ELAVL2: variants seen among roughly 807,000 people sequenced by gnomAD.
The protein encoded by ELAVL2 is ELAV like RNA binding protein 2.
A neutral mutation model predicts 34.6 loss-of-function variants in ELAVL2; 4 were observed. That is an observed-to-expected ratio of 0.12 (90% confidence interval 0.06 to 0.26). The LOEUF is 0.26. ELAVL2 is among the 10% of genes least tolerant of loss of function. The pLI, the probability that ELAVL2 is intolerant of heterozygous loss-of-function variation, is 1.00. For missense variants in ELAVL2, 432 were observed against 442.8 expected (o/e 0.98, Z 0.22); for synonymous variants, 193 against 154.8 (o/e 1.25, Z -1.83).
chr9:23,717,939 C>T (rs966515921), intron 3 of ELAVL2, among the ~76,000 whole-genome samples: 3 of 152,140 alleles, frequency 2.0e-5, no homozygotes, highest in Non-Finnish European at 4.4e-5. Flanking sequence ...AACAAAAAAA[C>T]AACTTGCAAT....
chr9:23,729,156 T>A (rs1370584037), intron 3 of ELAVL2, among the ~76,000 whole-genome samples: 3 of 152,136 alleles, frequency 2.0e-5, no homozygotes, highest in African/African-American at 4.8e-5. Context: ...TTCTTCTGGA[T>A]CTTCGTGCAG....
rs2033200777 is a variant in ELAVL2, at chr9:23,691,617, C to A, written c.*940G>T. On this transcript the variant is annotated 3_prime_UTR_variant, in exon 7 of 7. Transcript: ENST00000397312. ...TTCAAAATCACAAATCAATGTGAGC[C>A]ACCTATCACATAATAACCAGGATGA... The A allele has an allele frequency of 6.6e-6, 1 of 152,328 alleles. No homozygotes were observed. Among genetic ancestry groups the A allele is most frequent in the African/African-American group, 2.4e-5 (1 of 41,360 alleles). 9.4% of individuals were successfully genotyped at this position (152,328 alleles called of 1,614,324 possible). A position where few individuals can be genotyped will look rare whatever the true frequency, so the allele number is the denominator to read the frequency against.
intron 1 of ELAVL2, among the ~76,000 whole-genome samples, chr9:23,777,739 A>G (rs2058448298): frequency 6.6e-6 from 1 of 152,196 alleles, no homozygotes; most frequent in African/African-American, 2.4e-5. Flanking sequence ...CAATTAAGGA[A>G]GAACAACTGC....
intron 2 of ELAVL2, among the ~76,000 whole-genome samples, chr9:23,751,205 T>C (rs1426095767): frequency 6.6e-6 from 1 of 152,120 alleles, no homozygotes; most frequent in Non-Finnish European, 1.5e-5. Context: ...CAAAGCAGTA[T>C]GTACAAAACA....
At chr9:23,807,222 A>C (rs949094229) in intron 1 of ELAVL2, among the ~76,000 whole-genome samples, 2 of 152,170 alleles carry the variant, frequency 1.3e-5, no homozygotes, top group African/African-American at 4.8e-5. Context: ...GGTCAGAAAG[A>C]CACTATTTTA....
chr9:23,760,356 A>C (rs1056614563), intron 2 of ELAVL2, among the ~76,000 whole-genome samples: 1 of 151,998 alleles, frequency 6.6e-6, no homozygotes, highest in Non-Finnish European at 1.5e-5. Flanking sequence ...TTTAATAGTA[A>C]GGGGAGCTCT....
intron 1 of ELAVL2, among the ~76,000 whole-genome samples, chr9:23,785,632 C>T (rs2059589291): frequency 6.6e-6 from 1 of 152,164 alleles, no homozygotes; most frequent in Admixed American, 6.5e-5. Context: ...CGTCTGTTAA[C>T]CCAAAACTCC....
chr9:23,795,698 A>T (rs2060836274), intron 1 of ELAVL2, among the ~76,000 whole-genome samples: 1 of 152,250 alleles, frequency 6.6e-6, no homozygotes, highest in South Asian at 2.1e-4. Flanking sequence ...AGTTGCCACT[A>T]TTAAAATGGA....
At chr9:23,830,978 C>A (rs1387320337), upstream of ELAVL2, among the ~76,000 whole-genome samples, 2 of 152,150 alleles carry the variant, frequency 1.3e-5, no homozygotes, top group Non-Finnish European at 2.9e-5. Context: ...GGGATACTAA[C>A]AGCCTTCTTT....
intron 2 of ELAVL2, among the ~76,000 whole-genome samples, chr9:23,734,188 T>C (rs1587873399): frequency 6.6e-6 from 1 of 152,202 alleles, no homozygotes; most frequent in South Asian, 2.1e-4. Context: ...GTTAGAACTT[T>C]AAATTACTTT....
intron 3 of ELAVL2, among the ~76,000 whole-genome samples, chr9:23,706,273 A>G (rs2039299801): frequency 6.6e-6 from 1 of 152,248 alleles, no homozygotes. Context: ...ATCATTCCTC[A>G]TGTAAACTCT....
At chr9:23,712,750 G>C (rs1033302569) in intron 3 of ELAVL2, among the ~76,000 whole-genome samples, 1 of 152,132 alleles carries the variant, frequency 6.6e-6, no homozygotes, top group Non-Finnish European at 1.5e-5. Flanking sequence ...TCAAGTTTTA[G>C]TGCAACATCA....
chr9:23,716,796 C>A (rs1232233335), intron 3 of ELAVL2, among the ~76,000 whole-genome samples: 2 of 152,134 alleles, frequency 1.3e-5, no homozygotes. Context: ...GCCATGTAGG[C>A]AGAGAATAAT....
chr9:23,757,829 C>T (rs2053943786), intron 2 of ELAVL2, among the ~76,000 whole-genome samples: 1 of 152,004 alleles, frequency 6.6e-6, no homozygotes, highest in Admixed American at 6.6e-5. Flanking sequence ...ATGTACTTCC[C>T]TAATCCTCAC....
chr9:23,724,404 T>C (rs947008478), intron 3 of ELAVL2, among the ~76,000 whole-genome samples: 1 of 152,156 alleles, frequency 6.6e-6, no homozygotes, highest in Non-Finnish European at 1.5e-5. Flanking sequence ...TGGAGTTGGC[T>C]AAAAGGAACA....
the ELAVL2 span, among the ~76,000 whole-genome samples, chr9:23,844,259 G>T: frequency 6.6e-6 from 1 of 151,972 alleles, no homozygotes; most frequent in South Asian, 2.1e-4. Context: ...CTTACACAGA[G>T]TATGCATTAC....
chr9:23,841,399 A>G, the ELAVL2 span, among the ~76,000 whole-genome samples: 1 of 152,092 alleles, frequency 6.6e-6, no homozygotes, highest in Admixed American at 6.6e-5. Context: ...AGAAATTCCA[A>G]TGCTGCTACA....
At chr9:23,774,068 G>T (rs538837528) in intron 1 of ELAVL2, among the ~76,000 whole-genome samples, 1 of 151,536 alleles carries the variant, frequency 6.6e-6, no homozygotes, top group Non-Finnish European at 1.5e-5. Flanking sequence ...AAAATTAGCC[G>T]GACTTGGTGG....
At chr9:23,775,086 T>A (rs1280328417) in intron 1 of ELAVL2, among the ~76,000 whole-genome samples, 1 of 152,204 alleles carries the variant, frequency 6.6e-6, no homozygotes, top group African/African-American at 2.4e-5. Context: ...TCCGTGGGAT[T>A]TGAGTATCTT....
Sources: gnomAD v4.1 joint callset for allele counts (sites outside exome capture counted in the v4.1 genomes callset) on GRCh38, gnomAD v4.1.1 for gene constraint, MANE v1.5 for transcripts, NCBI Gene and HGNC (gene_info 2026-07-23, HGNC 2026-07-21) for gene names.